The following MLLT1 variants were observed in gnomAD, a reference collection of about 807,000 sequenced individuals.
MLLT1 encodes the protein MLLT1 super elongation complex subunit, also known as protein ENL.
In MLLT1, 11 loss-of-function variants were observed where a neutral mutation model predicts 55.1. The observed-to-expected ratio is 0.20, with a 90% CI of 0.13 to 0.33. The LOEUF is 0.33. Ranked by LOEUF, MLLT1 falls within the 10% of genes least tolerant of loss-of-function variation. The probability of loss-of-function intolerance (pLI) is 1.00; values close to 1 mark genes in which losing one functional copy is unlikely to be tolerated. For synonymous variants in MLLT1, 323 were observed against 320.1 expected, an observed-to-expected ratio of 1.01 and a Z score of -0.10; for missense variants, 536 against 760.6, an observed-to-expected ratio of 0.70 and a Z score of 3.47.
Position 6,279,836 on chromosome 19 carries a change from G to A in MLLT1, c.-52C>T. 1.4e-5 allele frequency: 2 copies of A among 147,148 alleles called. No homozygotes were observed. The highest frequency in any genetic ancestry group is 2.9e-5 in the Non-Finnish European group (2 of 69,466). The allele number at this position is 147,148 out of a possible 1,614,324, so 9.1% of individuals were successfully genotyped here. ...CCCCGCGTCGCTCGCCGCCGCCGCC[G>A]CCGCCGCCGCCGCTCAACGCCGCCC... On this transcript the variant is annotated 5_prime_UTR_variant, in exon 1 of 12. Transcript: ENST00000252674.
rs759561982 is a variant in MLLT1 at position 6,270,968 on chromosome 19, C to T, written c.13-209G>A. The stretch of plus-strand genomic sequence containing the variant: ...CCCCTCCGTACTCCCACACAGACCC[C>T]GTGTCTCCTCTCATCCACCGCCTCA... On this transcript the variant is annotated intron_variant, in intron 1 of 11. Coordinates refer to ENST00000252674, the MANE Select transcript of MLLT1 (RefSeq NM_005934.4). The surrounding 1 kb of genome is among the most constrained non-coding windows in gnomAD (Gnocchi z 7.1). Among the ~76,000 whole-genome samples the T allele has an allele frequency of 1.3e-5, 2 of 152,146 alleles. No homozygotes were observed. Among genetic ancestry groups the T allele is most frequent in the African/African-American group, 4.8e-5 (2 of 41,420 alleles).
chr19:6,223,939 G>A (rs2090929779), intron 5 of MLLT1, among the ~76,000 whole-genome samples: 1 of 152,286 alleles, frequency 6.6e-6, no homozygotes, highest in East Asian at 1.9e-4. Context: ...TGGCCTCCCG[G>A]CACAGAAGCC....
intron 3 of MLLT1, among the ~76,000 whole-genome samples, chr19:6,251,695 C>T (rs1373708145): frequency 2.0e-5 from 3 of 151,682 alleles, no homozygotes; most frequent in South Asian, 2.1e-4. Flanking sequence ...GAGGCCAAGG[C>T]GGGAGGATCG....
In MLLT1 at chr19:6,220,386, T is replaced by C. The variant is rs537985546; in HGVS notation, c.1110+1735A>G. ...ACAGACCTCGGGGCGCTAAGCCGCA[T>C]TGCTCAAAAGCCTCTCAGCACGCGG... On this transcript the variant is annotated intron_variant, in intron 6 of 11. Coordinates refer to ENST00000252674, the MANE Select transcript of MLLT1 (RefSeq NM_005934.4). Among the ~76,000 whole-genome samples the C allele has an allele frequency of 5.3e-5, 8 of 152,356 alleles. No homozygotes were observed. The South Asian group carries it at 1.7e-3, about 32-fold the overall frequency.
rs1054820985 is a variant in MLLT1 at position 6,231,295 on chromosome 19, C to A, written c.277-582G>T. Among the ~76,000 whole-genome samples the A allele has an allele frequency of 1.3e-5, 2 of 152,166 alleles. No homozygotes were observed. Among genetic ancestry groups the A allele is most frequent in the Non-Finnish European group, 2.9e-5 (2 of 68,036 alleles). On this transcript the variant is annotated intron_variant, in intron 3 of 11. Coordinates refer to ENST00000252674, the MANE Select transcript of MLLT1 (RefSeq NM_005934.4). This position sits in a 1 kb window ranked among gnomAD's most constrained non-coding sequence, Gnocchi z 5.1. ...CCAGAAGACAGGGACGCTCGCCTGG[C>A]ATGGGGCAGGCGCTGATGGATTTTC...
At chr19:6,257,113 C>T (rs1351108713) in intron 3 of MLLT1, among the ~76,000 whole-genome samples, 1 of 152,228 alleles carries the variant, frequency 6.6e-6, no homozygotes, top group Non-Finnish European at 1.5e-5. Flanking sequence ...TTCATGACCT[C>T]ATTTGGCAAT....
rs1032941297 is a variant in MLLT1, at chr19:6,228,007, C to A, written c.421-905G>T. On this transcript the variant is annotated intron_variant, in intron 4 of 11. Coordinates refer to ENST00000252674, the MANE Select transcript of MLLT1 (RefSeq NM_005934.4). ...ACCTGCAGTTCCCGGCCAGCCAAGC[C>A]TTTCATCTAAGGACACTGATGTCAT... is the stretch of plus-strand genomic sequence containing the variant. 2.6e-5 allele frequency among the ~76,000 whole-genome samples: 4 copies of A among 152,362 alleles called. No individual in the cohort carries two copies. In the South Asian group the frequency reaches 6.2e-4, roughly 24 times the overall value.
At chr19:6,260,118 C>T (rs77585940) in intron 3 of MLLT1, among the ~76,000 whole-genome samples, 1 of 151,924 alleles carries the variant, frequency 6.6e-6, no homozygotes, top group Non-Finnish European at 1.5e-5. Flanking sequence ...CATGCCCCCA[C>T]ACCCTAAATG....
intron 8 of MLLT1, among the ~76,000 whole-genome samples, chr19:6,215,621 G>A (rs1600169301): frequency 6.6e-6 from 1 of 152,204 alleles, no homozygotes; most frequent in East Asian, 1.9e-4. Context: ...CACACCTGCA[G>A]GCGTCTGTGA....
chr19:6,247,190 G>A (rs1402320535), intron 3 of MLLT1, among the ~76,000 whole-genome samples: 2 of 152,174 alleles, frequency 1.3e-5, no homozygotes, highest in East Asian at 3.8e-4. Context: ...CAGATGTAAA[G>A]GGTGGGGGTG....
chr19:6,234,865 G>A (rs913855397), intron 3 of MLLT1, among the ~76,000 whole-genome samples: 5 of 151,580 alleles, frequency 3.3e-5, no homozygotes, highest in Admixed American at 6.6e-5. Context: ...GAATCACAGC[G>A]TGTGGATCTC....
Position 6,227,233 on chromosome 19 carries a change from A to C in MLLT1, c.421-131T>G. 2 of 922,116 alleles carry C rather than the reference A, an allele frequency of 2.2e-6. No homozygotes were observed. The highest frequency in any genetic ancestry group is 3.1e-6 in the Non-Finnish European group (2 of 638,804). 57.1% of individuals were successfully genotyped at this position (922,116 alleles called of 1,614,324 possible). A position where few individuals can be genotyped will look rare whatever the true frequency, so the allele number is the denominator to read the frequency against. ...AGAGCCTGAGCGCTTTCCCGAAAGA[A>C]TCCCAGGTGCTTCCCTGCTGGGGAC... On this transcript the variant is annotated intron_variant, in intron 4 of 11. Transcript: ENST00000252674. This position sits in a 1 kb window ranked among gnomAD's most constrained non-coding sequence, Gnocchi z 5.1.
At position 6,222,755 on chromosome 19, in the gene MLLT1, G is replaced by A. The variant is rs1456378183; in HGVS notation, c.547-71C>T. On this transcript the variant is annotated intron_variant, in intron 5 of 11. Transcript: ENST00000252674. This position sits in a 1 kb window ranked among gnomAD's most constrained non-coding sequence, Gnocchi z 4.1. ...GTGGCATTGCGGGGCGCCCTGCTCC[G>A]CCACCCCTGACCCCTACAAAGCATA... 25 of 1,317,764 alleles carry A rather than the reference G, an allele frequency of 1.9e-5. No homozygotes were observed. Among genetic ancestry groups the A allele is most frequent in the South Asian group, 1.8e-4 (12 of 66,824 alleles). 81.6% of individuals were successfully genotyped at this position (1,317,764 alleles called of 1,614,324 possible).
chr19:6,230,454 A>C lies in MLLT1; in HGVS notation c.420+116T>G, dbSNP rs1225072254. The C allele has an allele frequency of 4.7e-6, 6 of 1,289,584 alleles. No homozygotes were observed. Among genetic ancestry groups the C allele is most frequent in the African/African-American group, 1.5e-5 (1 of 67,390 alleles). 79.9% of individuals were successfully genotyped at this position (1,289,584 alleles called of 1,614,324 possible). A position where few individuals can be genotyped will look rare whatever the true frequency, so the allele number is the denominator to read the frequency against. ...CAGCTCTGCTGGGTGCTGCCGTGTGACCTGCGCCTTGGGTCTCGGCCCCCA... is the reference window on the plus strand; with the variant it reads ...CAGCTCTGCTGGGTGCTGCCGTGTGCCCTGCGCCTTGGGTCTCGGCCCCCA... On this transcript the variant is annotated intron_variant, in intron 4 of 11. Coordinates refer to ENST00000252674, the MANE Select transcript of MLLT1 (RefSeq NM_005934.4). The surrounding 1 kb of genome is among the most constrained non-coding windows in gnomAD (Gnocchi z 9.0).
At chr19:6,238,037 C>T (rs2091079987) in intron 3 of MLLT1, among the ~76,000 whole-genome samples, 1 of 152,140 alleles carries the variant, frequency 6.6e-6, no homozygotes, top group South Asian at 2.1e-4. Flanking sequence ...CCCAGGAGTT[C>T]GAGGTTGCAA....
At chr19:6,266,384 G>A (rs558795990) in intron 2 of MLLT1, among the ~76,000 whole-genome samples, 1 of 152,110 alleles carries the variant, frequency 6.6e-6, no homozygotes, top group East Asian at 1.9e-4. Context: ...ATTCTACTGT[G>A]AGAAGAGAAT....
At chr19:6,242,683 G>A (rs560126809) in intron 3 of MLLT1, among the ~76,000 whole-genome samples, 1 of 152,308 alleles carries the variant, frequency 6.6e-6, no homozygotes, top group South Asian at 2.1e-4. Flanking sequence ...GAAGGAAGAG[G>A]AATCTGGCGT....
At chr19:6,242,464 G>A (rs2091123691) in intron 3 of MLLT1, among the ~76,000 whole-genome samples, 1 of 152,210 alleles carries the variant, frequency 6.6e-6, no homozygotes, top group Non-Finnish European at 1.5e-5. Context: ...GACTGGTGAT[G>A]GCTGTGGCTC....
intron 6 of MLLT1, among the ~76,000 whole-genome samples, chr19:6,220,562 C>T (rs1254373858): frequency 6.6e-6 from 1 of 152,252 alleles, no homozygotes; most frequent in Non-Finnish European, 1.5e-5. Context: ...GTGGCGGGAG[C>T]CAGGAGCCAA....
Sources: gnomAD v4.1 joint callset for allele counts (sites outside exome capture counted in the v4.1 genomes callset) on GRCh38, gnomAD v4.1.1 for gene constraint, Gnocchi (gnomAD v3.1) non-coding constraint, MANE v1.5 for transcripts, NCBI Gene and HGNC (gene_info 2026-07-23, HGNC 2026-07-21) for gene names.